Variants in KCNIP1 observed in about 807,000 individuals in gnomAD.
The protein encoded by KCNIP1 is A-type potassium channel modulatory protein KCNIP1.
KCNIP1 carries 18 observed loss-of-function variants against 33.0 expected under a neutral mutation model. The observed-to-expected ratio is 0.55, with a 90% CI of 0.38 to 0.81. The LOEUF (loss-of-function observed/expected upper bound fraction) is 0.81. KCNIP1 is among the 30% of genes least tolerant of loss of function. The probability of loss-of-function intolerance (pLI) is 0.00; values close to 1 mark genes in which losing one functional copy is unlikely to be tolerated. For synonymous variants in KCNIP1, 93 were observed against 98.3 expected, an observed-to-expected ratio of 0.95 and a Z score of 0.32; for missense variants, 238 against 271.6, an observed-to-expected ratio of 0.88 and a Z score of 0.87.
intron 1 of KCNIP1, among the ~76,000 whole-genome samples, chr5:170,509,112 C>T (rs1754830589): frequency 6.6e-6 from 1 of 152,204 alleles, no homozygotes; most frequent in African/African-American, 2.4e-5. Flanking sequence ...TAGCTTCCCA[C>T]CGGAATTTCA....
chr5:170,623,529 A>T (rs1345698855), intron 1 of KCNIP1, among the ~76,000 whole-genome samples: 2 of 152,034 alleles, frequency 1.3e-5, no homozygotes, highest in Non-Finnish European at 2.9e-5. Context: ...CCCTGTCTTA[A>T]ACCACCCCAG....
intron 1 of KCNIP1, among the ~76,000 whole-genome samples, chr5:170,562,094 G>C (rs11134635): frequency 0.11 from 17,045 of 152,208 alleles, 3,071 homozygotes; most frequent in African/African-American, 0.38. Flanking sequence ...TTTAAAGACA[G>C]ACAGAAAAAT....
At chr5:170,451,770 T>TGTGTGTGTGTGTGTGTGTG (rs1215207951) in intron 1 of KCNIP1, among the ~76,000 whole-genome samples, 19 of 147,606 alleles carry the variant, frequency 1.3e-4, no homozygotes, top group African/African-American at 3.5e-4. Context: ...TGTGTGTGTG[T>TGTGTGTGTGTGTGTGTGTG]TTGCAGGGGG....
intron 1 of KCNIP1, among the ~76,000 whole-genome samples, chr5:170,677,132 T>A (rs764454898): frequency 6.6e-6 from 1 of 152,240 alleles, no homozygotes; most frequent in African/African-American, 2.4e-5. Flanking sequence ...ATAATTATAC[T>A]AATATTATTC....
chr5:170,734,006 C>A, intron 7 of KCNIP1, 108 bp downstream of exon 7: 1 of 799,364 alleles, frequency 1.3e-6, no homozygotes, highest in Non-Finnish European at 2.1e-6. Flanking sequence ...ACCTGCAACC[C>A]CTCCCATCAG....
At chr5:170,370,523 A>G (rs906164474) in intron 1 of KCNIP1, among the ~76,000 whole-genome samples, 3 of 152,222 alleles carry the variant, frequency 2.0e-5, no homozygotes, top group Admixed American at 1.3e-4. Context: ...TGCCATACTC[A>G]GCTGTATCTT....
At chr5:170,389,405 C>G (rs943542217) in intron 1 of KCNIP1, 2 of 151,620 alleles carry the variant, frequency 1.3e-5, no homozygotes, top group African/African-American at 4.8e-5. Flanking sequence ...TGGTCCCCAT[C>G]TGGGGCAAGC....
intron 1 of KCNIP1, among the ~76,000 whole-genome samples, chr5:170,512,073 A>G (rs1427773013): frequency 2.0e-5 from 3 of 152,214 alleles, no homozygotes; most frequent in African/African-American, 7.2e-5. Context: ...GGAAGCCTGA[A>G]TATGAAATGA....
chr5:170,512,874 C>T (rs1360043659), intron 1 of KCNIP1, among the ~76,000 whole-genome samples: 3 of 152,082 alleles, frequency 2.0e-5, no homozygotes, highest in African/African-American at 4.8e-5. Context: ...ACGGTGAAAC[C>T]CCGTCTCTAC....
intron 1 of KCNIP1, among the ~76,000 whole-genome samples, chr5:170,495,946 C>G (rs2113211793): frequency 6.6e-6 from 1 of 152,286 alleles, no homozygotes; most frequent in South Asian, 2.1e-4. Context: ...ATTGCAGCAG[C>G]AGCAATGCTG....
At chr5:170,732,302 G>T (rs1441741827) in intron 5 of KCNIP1, among the ~76,000 whole-genome samples, 1 of 152,032 alleles carries the variant, frequency 6.6e-6, no homozygotes, top group Non-Finnish European at 1.5e-5. Context: ...GATTCAATAG[G>T]TTTGGAGTGG....
intron 1 of KCNIP1, among the ~76,000 whole-genome samples, chr5:170,395,494 C>T (rs1365099251): frequency 1.3e-5 from 2 of 152,170 alleles, no homozygotes; most frequent in Admixed American, 6.5e-5. Flanking sequence ...TTGTGTTTAG[C>T]GGAAGGCAGA....
intron 1 of KCNIP1, among the ~76,000 whole-genome samples, chr5:170,649,730 C>A (rs997269921): frequency 6.6e-6 from 1 of 152,152 alleles, no homozygotes; most frequent in Non-Finnish European, 1.5e-5. Flanking sequence ...CCCAGCCTAT[C>A]CATCCTGGTA....
intron 1 of KCNIP1, among the ~76,000 whole-genome samples, chr5:170,684,649 G>A (rs1326461493): frequency 1.3e-5 from 2 of 152,158 alleles, no homozygotes; most frequent in Non-Finnish European, 2.9e-5. Context: ...GTTCCAAGGA[G>A]GATGAGAAAT....
At chr5:170,483,095 G>C (rs768025321) in intron 1 of KCNIP1, 4 of 455,458 alleles carry the variant, frequency 8.8e-6, no homozygotes, top group South Asian at 6.2e-5. Flanking sequence ...CCGCAGAGCC[G>C]GATAGCTTGG....
intron 1 of KCNIP1, among the ~76,000 whole-genome samples, chr5:170,628,844 T>C (rs1293260841): frequency 1.3e-5 from 2 of 152,214 alleles, no homozygotes; most frequent in African/African-American, 4.8e-5. Context: ...TGAGCAAGTG[T>C]TGCAGCTTTG....
At chr5:170,517,777 T>C (rs1755194121) in intron 1 of KCNIP1, among the ~76,000 whole-genome samples, 1 of 145,480 alleles carries the variant, frequency 6.9e-6, no homozygotes, top group Non-Finnish European at 1.5e-5. Flanking sequence ...GTGATGGTGG[T>C]GGTGGTAGTG....
At chr5:170,389,665 A>T (rs1317626560) in intron 1 of KCNIP1, 1 of 152,220 alleles carries the variant, frequency 6.6e-6, no homozygotes, top group African/African-American at 2.4e-5. Flanking sequence ...TGCCAGAAAT[A>T]GGAAATGATT....
At chr5:170,401,870 A>G (rs569272570) in intron 1 of KCNIP1, among the ~76,000 whole-genome samples, 2 of 152,170 alleles carry the variant, frequency 1.3e-5, no homozygotes, top group African/African-American at 4.8e-5. Context: ...GCTGTGACAC[A>G]AATCACTACA....
Sources: allele counts gnomAD v4.1 joint callset (sites outside exome capture counted in the v4.1 genomes callset), GRCh38; gene constraint gnomAD v4.1.1; transcripts MANE v1.5; gene names NCBI Gene and HGNC (gene_info 2026-07-23, HGNC 2026-07-21).